FIRRM: variants seen among roughly 807,000 people sequenced by gnomAD.
FIRRM encodes FIGNL1 interacting regulator of recombination and mitosis.
chr1:169,807,691 TG>T, the FIRRM span: 5,376 of 1,094,816 alleles, frequency 4.9e-3, 21 homozygotes, highest in Non-Finnish European at 5.6e-3. Flanking sequence ...GCTTTTTGAT[TG>T]TTTTTTTAAA....
chr1:169,839,328 T>G, the FIRRM span, among the ~76,000 whole-genome samples: 3 of 152,194 alleles, frequency 2.0e-5, no homozygotes, highest in Non-Finnish European at 4.4e-5. Flanking sequence ...CTGAGTTCTT[T>G]GAGAAATCTC....
At chr1:169,849,856 A>G in the FIRRM span, 1 of 503,080 alleles carries the variant, frequency 2.0e-6, no homozygotes, top group Non-Finnish European at 3.6e-6. Flanking sequence ...TGATACAGAC[A>G]GACACAGACA....
At chr1:169,836,985 A>C in the FIRRM span, 1 of 1,613,756 alleles carries the variant, frequency 6.2e-7, no homozygotes, top group South Asian at 1.1e-5. Flanking sequence ...CTGTGGCAAC[A>C]TATTTCCTTC....
the FIRRM span, chr1:169,850,236 A>G: frequency 6.9e-7 from 1 of 1,458,748 alleles, no homozygotes; most frequent in Non-Finnish European, 9.6e-7. Context: ...AAATGTTAAA[A>G]TTGGTCTTGT....
At chr1:169,798,429 A>C in the FIRRM span, among the ~76,000 whole-genome samples, 2 of 151,896 alleles carry the variant, frequency 1.3e-5, no homozygotes, top group Non-Finnish European at 2.9e-5. Flanking sequence ...CACCATGCCC[A>C]GCTAATTATT....
chr1:169,826,414 G>A, the FIRRM span, among the ~76,000 whole-genome samples: 1,795 of 142,950 alleles, frequency 0.013, 48 homozygotes, highest in African/African-American at 0.045. Flanking sequence ...CCAGGCTGGA[G>A]TGCAGTGGCG....
chr1:169,811,793 T>TTATC, the FIRRM span, among the ~76,000 whole-genome samples: 25 of 140,644 alleles, frequency 1.8e-4, no homozygotes, highest in African/African-American at 4.4e-4. Context: ...AATAGACAGA[T>TTATC]TATCTAAATA....
At chr1:169,837,361 A>G in the FIRRM span, among the ~76,000 whole-genome samples, 2 of 152,210 alleles carry the variant, frequency 1.3e-5, no homozygotes, top group African/African-American at 2.4e-5. Context: ...GACATGATCA[A>G]ACACACTATG....
the FIRRM span, chr1:169,827,820 G>C: frequency 6.8e-6 from 11 of 1,613,858 alleles, no homozygotes; most frequent in Non-Finnish European, 8.5e-6. Context: ...CAGACAGCCA[G>C]GTCTCAGAAA....
chr1:169,811,866 A>C, the FIRRM span, among the ~76,000 whole-genome samples: 1 of 143,276 alleles, frequency 7.0e-6, no homozygotes, highest in Non-Finnish European at 1.5e-5. Context: ...ATAGATAGAT[A>C]GATTAGATAG....
chr1:169,795,051 C>T, the FIRRM span: 2 of 1,429,350 alleles, frequency 1.4e-6, no homozygotes, highest in African/African-American at 1.4e-5. Context: ...CTGCGAGTTT[C>T]CGGTCTGGGC....
chr1:169,807,835 A>T, the FIRRM span: 5 of 1,606,364 alleles, frequency 3.1e-6, no homozygotes. Flanking sequence ...CAGTTGAAAC[A>T]CAAAGATATA....
the FIRRM span, chr1:169,804,185 G>A: frequency 6.3e-7 from 1 of 1,598,040 alleles, no homozygotes. Context: ...TGCTGGACAT[G>A]GTTTGCATGG....
the FIRRM span, among the ~76,000 whole-genome samples, chr1:169,811,785 TAGACAGATTATCTAAATAGATAATAGAC>T: frequency 2.4e-4 from 35 of 145,670 alleles, no homozygotes; most frequent in Admixed American, 7.5e-4. Context: ...AAATAGATAA[TAGACAGATTATCTAAATAGATAATAGAC>T]AGATTATCTA....
At chr1:169,827,317 C>A in the FIRRM span, 1 of 889,008 alleles carries the variant, frequency 1.1e-6, no homozygotes, top group Non-Finnish European at 1.7e-6. Flanking sequence ...CTTTTACTTT[C>A]TTTTCTTGAA....
chr1:169,794,549 C>T, the FIRRM span: 2 of 154,248 alleles, frequency 1.3e-5, no homozygotes, highest in Non-Finnish European at 2.9e-5. Flanking sequence ...AATCTTCTAT[C>T]TACTGCGCTA....
the FIRRM span, chr1:169,807,801 A>T: frequency 6.3e-7 from 1 of 1,592,642 alleles, no homozygotes; most frequent in Non-Finnish European, 8.5e-7. Context: ...GCAGAGCCTT[A>T]AGCACCAGTC....
At chr1:169,843,530 G>A in the FIRRM span, 1 of 592,280 alleles carries the variant, frequency 1.7e-6, no homozygotes, top group South Asian at 2.2e-5. Flanking sequence ...ACCTCATAGA[G>A]CTGTTTTGTA....
chr1:169,842,347 T>C, the FIRRM span: 1 of 1,517,604 alleles, frequency 6.6e-7, no homozygotes, highest in South Asian at 1.3e-5. Flanking sequence ...TAACCTCTAG[T>C]TAAGTCGGCT....
Sources: allele counts gnomAD v4.1 joint callset (sites outside exome capture counted in the v4.1 genomes callset), GRCh38; gene constraint gnomAD v4.1.1; transcripts MANE v1.5; gene names NCBI Gene and HGNC (gene_info 2026-07-23, HGNC 2026-07-21).